RBFOX1: variants seen among roughly 807,000 people sequenced by gnomAD.
RBFOX1 encodes the protein RNA binding protein fox-1 homolog 1.
RBFOX1 carries 8 observed loss-of-function variants against 57.7 expected under a neutral mutation model. The ratio of observed to expected loss-of-function variants is 0.14; its 90% CI spans 0.08 to 0.25. The LOEUF (loss-of-function observed/expected upper bound fraction) is 0.25, where lower values mean the gene tolerates loss of function less well. Ranked by LOEUF, RBFOX1 falls within the 10% of genes least tolerant of loss-of-function variation. RBFOX1 has a pLI of 1.00. For synonymous variants in RBFOX1, 326 were observed against 222.4 expected (o/e 1.47, Z -4.15); for missense variants, 611 against 548.5 (o/e 1.11, Z -1.14).
At chr16:5,742,444 A>G (rs1029244750) in intron 3 of RBFOX1, among the ~76,000 whole-genome samples, 1 of 152,060 alleles carries the variant, frequency 6.6e-6, no homozygotes, top group Non-Finnish European at 1.5e-5. Context: ...CGGATTTAAA[A>G]TGTAAAAGTG....
Position 7,626,871 on chromosome 16 carries a change from G to C in RBFOX1, c.677-3732G>C, listed in dbSNP as rs185417877. On this transcript the variant is annotated intron_variant, in intron 10 of 15. Coordinates refer to ENST00000550418, the MANE Select transcript of RBFOX1 (RefSeq NM_018723.4). Reference sequence around the variant, plus strand: ...TATGCATTAATCCTTCTGAGGATCAGGTATTTTCCTAGGTGTTGGGGATGA... The same window carrying C: ...TATGCATTAATCCTTCTGAGGATCACGTATTTTCCTAGGTGTTGGGGATGA... Among the ~76,000 whole-genome samples the C allele has an allele frequency of 3.5e-3, 534 of 152,288 alleles. 3 individuals are homozygous for C. The highest frequency in any genetic ancestry group is 0.012 in the African/African-American group (499 of 41,560).
chr16:6,525,367 C>G (rs2096564063), intron 2 of RBFOX1, among the ~76,000 whole-genome samples: 1 of 152,136 alleles, frequency 6.6e-6, no homozygotes. Flanking sequence ...GTACACTTCT[C>G]CTGAGCAAGA....
At chr16:5,677,582 G>C (rs571596077) in intron 3 of RBFOX1, among the ~76,000 whole-genome samples, 2 of 152,318 alleles carry the variant, frequency 1.3e-5, no homozygotes, top group South Asian at 4.1e-4. Context: ...AAACATTTAT[G>C]AATGAGACAC....
At chr16:6,491,457 G>T (rs2095631118) in intron 2 of RBFOX1, among the ~76,000 whole-genome samples, 1 of 152,220 alleles carries the variant, frequency 6.6e-6, no homozygotes, top group East Asian at 1.9e-4. Flanking sequence ...TAAACATATA[G>T]AAGTTACATC....
intron 3 of RBFOX1, among the ~76,000 whole-genome samples, chr16:6,989,764 C>G (rs1284293746): frequency 1.3e-5 from 2 of 152,106 alleles, no homozygotes; most frequent in Non-Finnish European, 2.9e-5. Context: ...CTTTGGGAGG[C>G]TAAGGCAGGT....
chr16:7,310,813 T>G (rs2096289334), intron 4 of RBFOX1, among the ~76,000 whole-genome samples: 1 of 152,216 alleles, frequency 6.6e-6, no homozygotes, highest in Admixed American at 6.5e-5. Context: ...ATGGAACTCC[T>G]GATAGGTTTA....
intron 3 of RBFOX1, among the ~76,000 whole-genome samples, chr16:5,697,532 A>ATTTTTTTTTTTTT (rs374138178): frequency 1.5e-5 from 2 of 133,966 alleles, no homozygotes; most frequent in Non-Finnish European, 1.6e-5. Flanking sequence ...TTTCTTTTCT[A>ATTTTTTTTTTTTT]TTCTTTTTTT....
rs567621005 is a variant in RBFOX1 at position 5,599,569 on chromosome 16, T to C, written c.*320T>C. On this transcript the variant is annotated 3_prime_UTR_variant, in exon 3 of 3. Coordinates refer to the RBFOX1 transcript ENST00000585867. The stretch of plus-strand genomic sequence containing the variant: ...ATCATGGTGTGGTGCATTCCCCAAG[T>C]GTGACCTGTTTGTGTATTGTTGGTG... 9 of 281,418 alleles carry C rather than the reference T, an allele frequency of 3.2e-5. No individual in the cohort carries two copies. The South Asian group carries it at 8.0e-4, about 25-fold the overall frequency. 17.4% of individuals were successfully genotyped at this position (281,418 alleles called of 1,614,324 possible).
chr16:6,852,930 A>C (rs113541529), intron 3 of RBFOX1, among the ~76,000 whole-genome samples: 1 of 152,162 alleles, frequency 6.6e-6, no homozygotes, highest in Non-Finnish European at 1.5e-5. Context: ...CTGTCCATGC[A>C]AGGAGGATGC....
At chr16:6,534,725 C>G (rs1183470526) in intron 2 of RBFOX1, among the ~76,000 whole-genome samples, 1 of 152,034 alleles carries the variant, frequency 6.6e-6, no homozygotes, top group Middle Eastern at 3.2e-3. Flanking sequence ...GCACAGAATG[C>G]AAAGAGGGAG....
intron 3 of RBFOX1, among the ~76,000 whole-genome samples, chr16:7,017,697 G>A (rs1170269528): frequency 6.6e-6 from 1 of 152,116 alleles, no homozygotes; most frequent in African/African-American, 2.4e-5. Flanking sequence ...TCCTTTTCTA[G>A]ATGTTCAATA....
chr16:7,230,650 T>G (rs1481023073), intron 4 of RBFOX1, among the ~76,000 whole-genome samples: 2 of 152,158 alleles, frequency 1.3e-5, no homozygotes, highest in Non-Finnish European at 2.9e-5. Context: ...CTGGAACTTG[T>G]TTGTGAAAAT....
intron 1 of RBFOX1, among the ~76,000 whole-genome samples, chr16:6,066,256 C>G (rs2095759768): frequency 7.9e-6 from 1 of 126,482 alleles, no homozygotes; most frequent in Non-Finnish European, 1.6e-5. Flanking sequence ...GATTGTGCCA[C>G]TGCACTCCAG....
intron 1 of RBFOX1, among the ~76,000 whole-genome samples, chr16:5,327,934 A>G (rs778667760): frequency 6.6e-6 from 1 of 152,106 alleles, no homozygotes; most frequent in Non-Finnish European, 1.5e-5. Context: ...GGCTTTCCAT[A>G]TTGTTTCTCT....
chr16:6,305,096 C>T (rs901522450), intron 1 of RBFOX1, among the ~76,000 whole-genome samples: 1 of 152,152 alleles, frequency 6.6e-6, no homozygotes, highest in African/African-American at 2.4e-5. Context: ...GAGCTCCTTT[C>T]TTGTAAAAGC....
At chr16:7,597,288 A>G in intron 8 of RBFOX1, 83 bp from the exon 9 acceptor site, 1 of 965,866 alleles carries the variant, frequency 1.0e-6, no homozygotes, top group Non-Finnish European at 1.5e-6. Context: ...TTTAATAAGT[A>G]ATCACGGTCA....
chr16:6,677,122 G>T (rs530304573), intron 3 of RBFOX1, among the ~76,000 whole-genome samples: 1 of 152,144 alleles, frequency 6.6e-6, no homozygotes, highest in East Asian at 1.9e-4. Flanking sequence ...TAAAAAAGTA[G>T]ATAGATACTT....
intron 4 of RBFOX1, among the ~76,000 whole-genome samples, chr16:5,874,038 G>A (rs1390205897): frequency 1.3e-5 from 2 of 152,210 alleles, no homozygotes; most frequent in Non-Finnish European, 1.5e-5. Flanking sequence ...CATCCTCATG[G>A]AAATCAAAGA....
intron 1 of RBFOX1, among the ~76,000 whole-genome samples, chr16:5,273,757 G>C (rs1232130920): frequency 6.6e-6 from 1 of 152,168 alleles, no homozygotes; most frequent in Non-Finnish European, 1.5e-5. Flanking sequence ...TGATATAGCA[G>C]ATGGCCCAAA....
Sources: gnomAD v4.1 joint callset for allele counts (sites outside exome capture counted in the v4.1 genomes callset) on GRCh38, gnomAD v4.1.1 for gene constraint, MANE v1.5 for transcripts, NCBI Gene and HGNC (gene_info 2026-07-23, HGNC 2026-07-21) for gene names.